Variants in FAF1 observed in about 807,000 individuals in gnomAD.
FAF1 encodes the protein FAS-associated factor 1.
Under a neutral mutation model 92.5 loss-of-function variants are expected in FAF1, and 25 were observed. The observed-to-expected ratio is 0.27, with a 90% CI of 0.20 to 0.38. FAF1 has a LOEUF of 0.38. Ranked by LOEUF, FAF1 falls within the 10% of genes least tolerant of loss-of-function variation. The pLI is 1.00. For missense variants in FAF1, 636 were observed against 793.3 expected, an observed-to-expected ratio of 0.80 and a Z score of 2.38; for synonymous variants, 234 against 273.2, an observed-to-expected ratio of 0.86 and a Z score of 1.42.
intron 1 of FAF1, among the ~76,000 whole-genome samples, chr1:50,955,602 G>A (rs1051915683): frequency 6.6e-6 from 1 of 152,130 alleles, no homozygotes; most frequent in African/African-American, 2.4e-5. Flanking sequence ...ATTAAAAATA[G>A]AATGACTATG....
chr1:50,724,435 A>G (rs1194619785), intron 6 of FAF1, among the ~76,000 whole-genome samples: 1 of 152,080 alleles, frequency 6.6e-6, no homozygotes, highest in Non-Finnish European at 1.5e-5. Context: ...GCAGAGATAA[A>G]GAGTATTTCA....
chr1:50,744,424 A>AAAAAGC (rs1659509495), intron 5 of FAF1, among the ~76,000 whole-genome samples: 2 of 152,126 alleles, frequency 1.3e-5, no homozygotes, highest in African/African-American at 4.8e-5. Context: ...AAAGGGCCAA[A>AAAAAGC]CTCCTTTAAA....
At chr1:50,808,752 A>C (rs2124602465) in intron 2 of FAF1, among the ~76,000 whole-genome samples, 1 of 152,246 alleles carries the variant, frequency 6.6e-6, no homozygotes, top group African/African-American at 2.4e-5. Context: ...GTTTCAAAGA[A>C]TTTCTTGAAT....
intron 7 of FAF1, among the ~76,000 whole-genome samples, chr1:50,701,164 G>A (rs992298046): frequency 2.0e-5 from 3 of 151,944 alleles, no homozygotes; most frequent in African/African-American, 7.2e-5. Flanking sequence ...TGTCATTCGT[G>A]ATTTCAAATT....
chr1:50,589,259 TG>T (rs1651388086), intron 9 of FAF1, among the ~76,000 whole-genome samples: 2 of 152,246 alleles, frequency 1.3e-5, no homozygotes, highest in South Asian at 4.1e-4. Flanking sequence ...GTTGTGTCCC[TG>T]GGCCAAAGAA....
chr1:50,551,202 C>A (rs535172858), intron 13 of FAF1, among the ~76,000 whole-genome samples: 2 of 152,074 alleles, frequency 1.3e-5, no homozygotes, highest in East Asian at 3.9e-4. Context: ...AGGAGGCAAA[C>A]TGTAAATGCT....
intron 2 of FAF1, 96 bp downstream of exon 2, chr1:50,857,833 G>A (rs948308725): frequency 1.5e-6 from 1 of 647,350 alleles, no homozygotes; most frequent in Non-Finnish European, 2.6e-6. Context: ...TTATAGATGA[G>A]CTATGGTATG....
At chr1:50,486,210 T>C (rs974044235) in intron 17 of FAF1, among the ~76,000 whole-genome samples, 1 of 152,190 alleles carries the variant, frequency 6.6e-6, no homozygotes, top group African/African-American at 2.4e-5. Flanking sequence ...GGAAACAGTT[T>C]GGGTAGACAG....
At chr1:50,811,857 T>C (rs1007491520) in intron 2 of FAF1, among the ~76,000 whole-genome samples, 1 of 152,052 alleles carries the variant, frequency 6.6e-6, no homozygotes, top group Non-Finnish European at 1.5e-5. Flanking sequence ...ATGGTACTGA[T>C]ACAAAAACAC....
At chr1:50,670,204 T>G (rs1438164905) in intron 7 of FAF1, among the ~76,000 whole-genome samples, 6 of 147,548 alleles carry the variant, frequency 4.1e-5, no homozygotes, top group Non-Finnish European at 7.5e-5. Context: ...CAGCCGGGGG[T>G]GAGATAGGGG....
At chr1:50,731,663 C>T (rs913434559) in intron 6 of FAF1, among the ~76,000 whole-genome samples, 3 of 151,388 alleles carry the variant, frequency 2.0e-5, no homozygotes, top group Admixed American at 1.3e-4. Flanking sequence ...CCACCGCGCC[C>T]GGCCTCAAAA....
In FAF1 at chr1:50,857,978, T is replaced by A; in HGVS notation, c.65A>T (p.Asn22Ile). ...AAGCAATGTAATAGCTTCGTCAATGTTTTCAATGCCAGTACATGCCTGGAA... is the reference window on the plus strand; with the variant it reads ...AAGCAATGTAATAGCTTCGTCAATGATTTCAATGCCAGTACATGCCTGGAA... Reference protein sequence around the residue: ...ADFQACTGIENIDEAITLLEQ... With the variant: ...ADFQACTGIEIIDEAITLLEQ... The change falls in exon 2 of 19, where the codon AAC (asparagine) becomes ATC (isoleucine). Residue 22 changes from asparagine (N) to isoleucine (I), a missense_variant. Coordinates refer to ENST00000396153, the MANE Select transcript of FAF1 (RefSeq NM_007051.3). 1 of 1,601,996 alleles carries A rather than the reference T, an allele frequency of 6.2e-7. No homozygotes were observed. The highest frequency in any genetic ancestry group is 2.3e-5 in the East Asian group (1 of 44,266).
chr1:50,817,944 A>T (rs938110553), intron 2 of FAF1, among the ~76,000 whole-genome samples: 18 of 152,208 alleles, frequency 1.2e-4, no homozygotes, highest in African/African-American at 4.8e-5. Flanking sequence ...CGAAAAAGGT[A>T]AATACTATAT....
intron 7 of FAF1, among the ~76,000 whole-genome samples, chr1:50,684,735 A>G (rs564479894): frequency 1.2e-4 from 19 of 152,326 alleles, no homozygotes; most frequent in Admixed American, 2.6e-4. Context: ...CTTCAATGGA[A>G]TGTTTGCAAG....
chr1:50,555,246 GAC>G (rs149689584), intron 13 of FAF1, among the ~76,000 whole-genome samples: 43 of 143,242 alleles, frequency 3.0e-4, no homozygotes, highest in African/African-American at 9.3e-4. Context: ...CCAGGACCCT[GAC>G]ACACACACAC....
At chr1:50,686,922 G>A (rs529206975) in intron 7 of FAF1, among the ~76,000 whole-genome samples, 5 of 152,062 alleles carry the variant, frequency 3.3e-5, no homozygotes, top group African/African-American at 7.2e-5. Flanking sequence ...TCTGCCTCCC[G>A]GGTTCAAGCG....
intron 8 of FAF1, among the ~76,000 whole-genome samples, chr1:50,610,116 A>G (rs80108500): frequency 0.01 from 1,528 of 152,338 alleles, 25 homozygotes; most frequent in African/African-American, 0.035. Flanking sequence ...AAAAACATTG[A>G]TCAAATCTTC....
chr1:50,586,006 T>A (rs908957683), intron 9 of FAF1, among the ~76,000 whole-genome samples: 3 of 152,148 alleles, frequency 2.0e-5, no homozygotes, highest in Admixed American at 6.5e-5. Context: ...TGAGCCTTGT[T>A]TGCACCACTG....
At chr1:50,546,975 G>A (rs904346341) in intron 13 of FAF1, among the ~76,000 whole-genome samples, 57 of 152,038 alleles carry the variant, frequency 3.7e-4, no homozygotes, top group South Asian at 1.0e-3. Context: ...TGCAACCTCC[G>A]CCTCACGGGC....
Sources: gnomAD v4.1 joint callset for allele counts (sites outside exome capture counted in the v4.1 genomes callset) on GRCh38, gnomAD v4.1.1 for gene constraint, MANE v1.5 for transcripts, NCBI Gene and HGNC (gene_info 2026-07-23, HGNC 2026-07-21) for gene names.